CYTH3: variants seen among roughly 807,000 people sequenced by gnomAD.
CYTH3 encodes the protein cytohesin 3.
Under a neutral mutation model 55.1 loss-of-function variants are expected in CYTH3, and 23 were observed. That is an observed-to-expected ratio of 0.42 (90% CI 0.30 to 0.59). CYTH3 has a LOEUF of 0.59. Among genes scored for constraint, CYTH3 ranks in the 20% least tolerant of loss-of-function variants. The pLI, the probability that CYTH3 is intolerant of heterozygous loss-of-function variation, is 0.20. For missense variants in CYTH3, 413 were observed against 524.8 expected, an observed-to-expected ratio of 0.79 and a Z score of 2.08; for synonymous variants, 249 against 194.9, an observed-to-expected ratio of 1.28 and a Z score of -2.31.
At chr7:6,269,476 G>C (rs1185721311) in intron 1 of CYTH3, among the ~76,000 whole-genome samples, 1 of 152,128 alleles carries the variant, frequency 6.6e-6, no homozygotes, top group Admixed American at 6.6e-5. Flanking sequence ...GCCAATTATA[G>C]TTAATTCACC....
chr7:6,237,227 G>T (rs114062206), intron 1 of CYTH3, among the ~76,000 whole-genome samples: 270 of 152,336 alleles, frequency 1.8e-3, no homozygotes, highest in African/African-American at 6.2e-3. Flanking sequence ...GATAGGCACT[G>T]GAGGTACAAG....
chr7:6,213,664 A>G (rs1784368811), intron 1 of CYTH3, among the ~76,000 whole-genome samples: 1 of 152,038 alleles, frequency 6.6e-6, no homozygotes, highest in Non-Finnish European at 1.5e-5. Context: ...ACAGTTCCTA[A>G]GTGTGACTAT....
chr7:6,219,019 A>C lies in CYTH3; in HGVS notation c.35-28488T>G, dbSNP rs867171608. Among the ~76,000 whole-genome samples the C allele has an allele frequency of 1.8e-4, 27 of 150,886 alleles. 1 individual carries two copies. Among genetic ancestry groups the C allele is most frequent in the Middle Eastern group, 7.0e-3 (2 of 286 alleles). Reference sequence around the variant, plus strand: ...ACTCCGTCTCAAAAAAAAAAAAAAAAAAAAAAAACTGCCACTGAGGACTCA... The same window carrying C: ...ACTCCGTCTCAAAAAAAAAAAAAAACAAAAAAAACTGCCACTGAGGACTCA... On this transcript the variant is annotated intron_variant, in intron 1 of 12. Transcript: ENST00000350796.
chr7:6,178,544 C>A (rs1364619112), intron 4 of CYTH3, among the ~76,000 whole-genome samples: 1 of 152,236 alleles, frequency 6.6e-6, no homozygotes, highest in African/African-American at 2.4e-5. Flanking sequence ...CTCCTTTCTG[C>A]CTTGAACACT....
intron 1 of CYTH3, among the ~76,000 whole-genome samples, chr7:6,231,354 G>C (rs1562400659): frequency 1.3e-5 from 2 of 152,214 alleles, no homozygotes; most frequent in Admixed American, 6.5e-5. Context: ...CTGGGCAAAG[G>C]AAACAGAGTG....
At chr7:6,194,784 G>A (rs1459517468) in intron 1 of CYTH3, among the ~76,000 whole-genome samples, 1 of 152,156 alleles carries the variant, frequency 6.6e-6, no homozygotes, top group Non-Finnish European at 1.5e-5. Flanking sequence ...AGAGCATCCT[G>A]GCTAACATGG....
chr7:6,216,344 T>C (rs948133914), intron 1 of CYTH3, among the ~76,000 whole-genome samples: 2 of 152,058 alleles, frequency 1.3e-5, no homozygotes, highest in Non-Finnish European at 2.9e-5. Flanking sequence ...ATGGTAATTA[T>C]ATAAAAATAT....
rs910735567 is a variant in CYTH3 at position 6,220,237 on chromosome 7, T to C, written c.35-29706A>G. Among the ~76,000 whole-genome samples, 5 of 152,104 alleles carry C rather than the reference T, an allele frequency of 3.3e-5. No homozygotes were observed. The East Asian group carries it at 9.7e-4, about 29-fold the overall frequency. Reference sequence around the variant, plus strand: ...TGACAAAGGTGTAAAAGCGGTCCAATGCAGAACAGATATTCTTTTCAATAA... The same window carrying C: ...TGACAAAGGTGTAAAAGCGGTCCAACGCAGAACAGATATTCTTTTCAATAA... On this transcript the variant is annotated intron_variant, in intron 1 of 12. Coordinates refer to ENST00000350796, the MANE Select transcript of CYTH3 (RefSeq NM_004227.4).
At chr7:6,196,730 G>C (rs763695138) in intron 1 of CYTH3, among the ~76,000 whole-genome samples, 7 of 151,896 alleles carry the variant, frequency 4.6e-5, no homozygotes, top group Non-Finnish European at 1.0e-4. Context: ...CAAAGTGCTG[G>C]GATTACAGGC....
At chr7:6,250,998 G>A (rs1410070126) in intron 1 of CYTH3, among the ~76,000 whole-genome samples, 1 of 152,242 alleles carries the variant, frequency 6.6e-6, no homozygotes, top group Non-Finnish European at 1.5e-5. Context: ...TCTGAGAAGA[G>A]CCGGGCTCAG....
intron 6 of CYTH3, among the ~76,000 whole-genome samples, chr7:6,172,428 A>G (rs1783225174): frequency 6.6e-6 from 1 of 151,788 alleles, no homozygotes; most frequent in Non-Finnish European, 1.5e-5. Context: ...CCAGCAAAGC[A>G]TGCACCTGCC....
intron 4 of CYTH3, among the ~76,000 whole-genome samples, chr7:6,183,631 A>G (rs1055054802): frequency 2.0e-5 from 3 of 152,222 alleles, no homozygotes; most frequent in Non-Finnish European, 2.9e-5. Flanking sequence ...TTCATGCTTC[A>G]TAGTGTTACA....
At chr7:6,234,747 T>C (rs1779475136) in intron 1 of CYTH3, among the ~76,000 whole-genome samples, 1 of 152,166 alleles carries the variant, frequency 6.6e-6, no homozygotes, top group Admixed American at 6.5e-5. Context: ...GGCTAACCCC[T>C]TTGAACAAGA....
At chr7:6,233,815 G>A (rs1025086274) in intron 1 of CYTH3, among the ~76,000 whole-genome samples, 1 of 152,140 alleles carries the variant, frequency 6.6e-6, no homozygotes, top group Non-Finnish European at 1.5e-5. Context: ...TTGTAAACAG[G>A]AATCAATTTC....
intron 1 of CYTH3, among the ~76,000 whole-genome samples, chr7:6,207,763 A>AACATGGTGAAACTCCATCTCC (rs1285750951): frequency 6.6e-6 from 1 of 152,160 alleles, no homozygotes; most frequent in Non-Finnish European, 1.5e-5. Context: ...CAGCCTGGGC[A>AACATGGTGAAACTCCATCTCC]ACATGGTGAA....
chr7:6,180,505 G>T (rs1028214713), intron 4 of CYTH3, among the ~76,000 whole-genome samples: 2 of 152,178 alleles, frequency 1.3e-5, no homozygotes, highest in Non-Finnish European at 1.5e-5. Flanking sequence ...GGTGGCAGCC[G>T]CCAGGAGCGA....
Position 6,185,699 on chromosome 7 carries a change from C to CA in CYTH3, c.249+1350dup, listed in dbSNP as rs34943703. 3.2e-3 allele frequency among the ~76,000 whole-genome samples: 414 copies of CA among 127,410 alleles called. 1 individual carries two copies. Among genetic ancestry groups the CA allele is most frequent in the Middle Eastern group, 0.014 (3 of 220 alleles). 83.6% of individuals were successfully genotyped at this position (127,410 alleles called of 152,430 possible). On this transcript the variant is annotated intron_variant, in intron 4 of 12. Coordinates refer to ENST00000350796, the MANE Select transcript of CYTH3 (RefSeq NM_004227.4). ...TGGGCAACAGAGTTAGACTCTGTCT[C>CA]AAAAAAAAAAAAAAAAATTATCTGG...
chr7:6,218,786 C>A (rs1784481024), intron 1 of CYTH3, among the ~76,000 whole-genome samples: 1 of 152,082 alleles, frequency 6.6e-6, no homozygotes, highest in Non-Finnish European at 1.5e-5. Flanking sequence ...GCGGGCAGGT[C>A]ACGAGGTCAG....
chr7:6,230,883 A>AT (rs901955074), intron 1 of CYTH3, among the ~76,000 whole-genome samples: 1 of 152,180 alleles, frequency 6.6e-6, no homozygotes, highest in South Asian at 2.1e-4. Flanking sequence ...ATTTTCTATA[A>AT]TTTTTTTAAG....
Sources: gnomAD v4.1 joint callset for allele counts (sites outside exome capture counted in the v4.1 genomes callset) on GRCh38, gnomAD v4.1.1 for gene constraint, MANE v1.5 for transcripts, NCBI Gene and HGNC (gene_info 2026-07-23, HGNC 2026-07-21) for gene names.